The following DST variants were observed in gnomAD, a reference collection of about 807,000 sequenced individuals.
The protein encoded by DST is bullous pemphigoid antigen.
In DST, 253 loss-of-function variants were observed where a neutral mutation model predicts 875.2. The ratio of observed to expected loss-of-function variants is 0.29; its 90% CI spans 0.26 to 0.32. The LOEUF is 0.32. DST is among the 10% of genes least tolerant of loss of function. DST has a pLI of 1.00. For missense variants in DST, 8,287 were observed against 9,111.6 expected (o/e 0.91, Z 3.68); for synonymous variants, 3,124 against 3,197.1 (o/e 0.98, Z 0.77).
chr6:56,651,063 A>T (rs761514679), intron 11 of DST, 31 bp from the exon 12 acceptor site: 2 of 1,588,562 alleles, frequency 1.3e-6, no homozygotes, highest in South Asian at 1.1e-5. Flanking sequence ...TAATTATTTC[A>T]CAATGTTGAT....
intron 4 of DST, among the ~76,000 whole-genome samples, chr6:56,798,078 C>T (rs940992696): frequency 6.6e-6 from 1 of 152,178 alleles, no homozygotes; most frequent in African/African-American, 2.4e-5. Flanking sequence ...CAAGGCAAAG[C>T]AACAATTGCT....
chr6:56,671,694 A>G (rs1227840814), intron 9 of DST, among the ~76,000 whole-genome samples: 1 of 152,200 alleles, frequency 6.6e-6, no homozygotes, highest in Non-Finnish European at 1.5e-5. Flanking sequence ...CAAAGCTGAG[A>G]TTAACACCAC....
At position 56,783,833 on chromosome 6, in the gene DST, A is replaced by C. The variant is rs541396021; in HGVS notation, c.626-48544T>G. On this transcript the variant is annotated intron_variant, in intron 4 of 103. Transcript: ENST00000680361. ...TCTTCCTAGTCTCAATGGTCTTTACATTTTGGCTTGATTTTGCAGCGGCTG... is the reference window on the plus strand; with the variant it reads ...TCTTCCTAGTCTCAATGGTCTTTACCTTTTGGCTTGATTTTGCAGCGGCTG... 7.2e-5 allele frequency among the ~76,000 whole-genome samples: 11 copies of C among 152,200 alleles called. No individual in the cohort carries two copies. The East Asian group carries it at 2.1e-3, about 29-fold the overall frequency.
At chr6:56,561,223 G>T (rs2097532214) in intron 57 of DST, 85 bp downstream of exon 57, 4 of 1,410,284 alleles carry the variant, frequency 2.8e-6, no homozygotes, top group Non-Finnish European at 1.9e-6. Flanking sequence ...AGAAAACAGA[G>T]CAGAGCTTCT....
rs372295184 is a variant in DST at position 56,640,237 on chromosome 6, A to C, written c.2396T>G (p.Leu799Arg). The C allele has an allele frequency of 3.5e-5, 57 of 1,614,096 alleles. No homozygotes were observed. The highest frequency in any genetic ancestry group is 4.5e-5 in the Non-Finnish European group (53 of 1,180,030). ...TTGATCCAGCAAAGAAGACTTTAGA[A>C]GGGGTTTTCGGATCTGCATCAACTT... The part of the protein sequence containing the change: ...TLKLMQIRKP[L>R]LKSSLLDQNL... The change falls in exon 18 of 104, where the codon CTT becomes CGT. Residue 799 changes from leucine to arginine, a missense_variant. By Grantham distance (102) the Leu-to-Arg change is moderately radical. Transcript: ENST00000680361.
At chr6:56,728,541 T>C (rs751582684) in intron 5 of DST, among the ~76,000 whole-genome samples, 17 of 152,286 alleles carry the variant, frequency 1.1e-4, no homozygotes, top group East Asian at 9.7e-4. Flanking sequence ...CTGGGCATGG[T>C]GGCTCATGCC....
At chr6:56,617,100 C>T (rs1211443220) in intron 36 of DST, 1 of 1,613,858 alleles carries the variant, frequency 6.2e-7, no homozygotes, top group African/African-American at 1.3e-5. Flanking sequence ...TGAACTTCTT[C>T]AACAGTCTTA....
chr6:56,931,106 A>G (rs1809981305), intron 2 of DST, among the ~76,000 whole-genome samples: 1 of 152,194 alleles, frequency 6.6e-6, no homozygotes, highest in Admixed American at 6.5e-5. Flanking sequence ...TGCATTCCTC[A>G]GTAAAGAAAT....
Position 56,511,664 on chromosome 6 carries a change from T to C in DST, c.18577-264A>G, listed in dbSNP as rs543064983. On this transcript the variant is annotated intron_variant, in intron 72 of 103. Coordinates refer to ENST00000680361, the MANE Select transcript of DST (RefSeq NM_001374736.1). ...TGAAATAATGAATCCCAGTTTATTA[T>C]GCATCTCATACCAAGAGTAGCACAT... Among the ~76,000 whole-genome samples the C allele has an allele frequency of 3.3e-3, 510 of 152,302 alleles. 3 individuals are homozygous for C. Among genetic ancestry groups the C allele is most frequent in the African/African-American group, 0.012 (484 of 41,560 alleles).
At chr6:56,678,016 C>A (rs561060514) in intron 9 of DST, among the ~76,000 whole-genome samples, 1 of 152,352 alleles carries the variant, frequency 6.6e-6, no homozygotes, top group African/African-American at 2.4e-5. Flanking sequence ...CAGGTGAATT[C>A]TAACTCCTCC....
intron 15 of DST, 150 bp downstream of exon 15, chr6:56,645,716 A>G: frequency 1.1e-6 from 1 of 896,734 alleles, no homozygotes. Context: ...AATCTCTTAG[A>G]AGAGTTTCTA....
chr6:56,620,002 T>C, intron 36 of DST: 1 of 1,614,138 alleles, frequency 6.2e-7, no homozygotes, highest in Non-Finnish European at 8.5e-7. Context: ...CCCTGCATGA[T>C]GTAGCCTGTG....
At chr6:56,561,852 G>A (rs79387851) in intron 56 of DST, among the ~76,000 whole-genome samples, 1,632 of 152,006 alleles carry the variant, frequency 0.011, 28 homozygotes, top group African/African-American at 0.038. Context: ...AATAAATTAG[G>A]TCAAATAACG....
At chr6:56,630,429 T>C (rs771786258) in intron 30 of DST, 46 bp from the exon 31 acceptor site, 5 of 1,558,734 alleles carry the variant, frequency 3.2e-6, no homozygotes, top group Non-Finnish European at 4.4e-6. Context: ...TAAATGTTTA[T>C]TTTTGCATAA....
intron 78 of DST, among the ~76,000 whole-genome samples, 156 bp from the exon 79 acceptor site, chr6:56,501,849 T>C (rs974376306): frequency 3.3e-5 from 5 of 152,068 alleles, no homozygotes; most frequent in Admixed American, 1.3e-4. Context: ...AATGGAAGAA[T>C]TATAGGCAAA....
At chr6:56,931,090 T>G (rs1305937681) in intron 2 of DST, among the ~76,000 whole-genome samples, 3 of 152,206 alleles carry the variant, frequency 2.0e-5, no homozygotes, top group Admixed American at 2.0e-4. Context: ...CCTAATTATA[T>G]CTAGCTGCAT....
At chr6:56,939,136 A>G (rs138806876) in intron 2 of DST, among the ~76,000 whole-genome samples, 1 of 152,342 alleles carries the variant, frequency 6.6e-6, no homozygotes, top group African/African-American at 2.4e-5. Flanking sequence ...AAGAACAGAA[A>G]AGCAGTCACC....
chr6:56,848,438 A>G (rs2099809505), intron 4 of DST, among the ~76,000 whole-genome samples: 1 of 152,200 alleles, frequency 6.6e-6, no homozygotes, highest in Non-Finnish European at 1.5e-5. Context: ...AAAAGGGTGA[A>G]TTTCAGGGAG....
intron 61 of DST, among the ~76,000 whole-genome samples, chr6:56,542,090 G>A (rs1465803126): frequency 6.6e-6 from 1 of 152,084 alleles, no homozygotes; most frequent in Non-Finnish European, 1.5e-5. Context: ...CCACCATTCT[G>A]GTAAATAAAC....
Sources: allele counts gnomAD v4.1 joint callset (sites outside exome capture counted in the v4.1 genomes callset), GRCh38; gene constraint gnomAD v4.1.1; transcripts MANE v1.5; gene names NCBI Gene and HGNC (gene_info 2026-07-23, HGNC 2026-07-21).